The following MRC1 variants were observed in gnomAD, a reference collection of about 807,000 sequenced individuals.
The protein encoded by MRC1 is mannose receptor C-type 1, also known as macrophage mannose receptor 1.
In MRC1, 62 loss-of-function variants were observed where a neutral mutation model predicts 102.9. The observed-to-expected ratio is 0.60, with a 90% CI of 0.49 to 0.74. The LOEUF is 0.74. Among genes scored for constraint, MRC1 ranks in the 30% least tolerant of loss-of-function variants. The pLI is 0.00. For missense variants in MRC1, 1,237 were observed against 862.8 expected (o/e 1.43, Z -5.43); for synonymous variants, 457 against 298.4 (o/e 1.53, Z -5.48).
intron 22 of MRC1, among the ~76,000 whole-genome samples, chr10:17,891,858 G>A (rs983301241): frequency 5.3e-5 from 8 of 152,084 alleles, no homozygotes; most frequent in Non-Finnish European, 1.0e-4. Context: ...GTTATCATAC[G>A]GGAGCCCCAA....
intron 3 of MRC1, among the ~76,000 whole-genome samples, chr10:17,832,911 G>T (rs942814894): frequency 2.6e-5 from 4 of 152,040 alleles, no homozygotes; most frequent in Admixed American, 6.5e-5. Context: ...ATATATGTAG[G>T]GGGTATATGT....
intron 6 of MRC1, among the ~76,000 whole-genome samples, chr10:17,849,207 C>T (rs951711263): frequency 6.6e-6 from 1 of 150,676 alleles, no homozygotes; most frequent in African/African-American, 2.4e-5. Context: ...GAGGCTGAGG[C>T]AGGAGGACTG....
rs567108881 is a variant in MRC1 at position 17,856,295 on chromosome 10, G to A, written c.1461G>A (p.Lys487=). 8 of 866,390 alleles carry A rather than the reference G, an allele frequency of 9.2e-6. No individual in the cohort carries two copies. The highest frequency in any genetic ancestry group is 6.7e-5 in the South Asian group (5 of 74,852). The allele number at this position is 866,390 out of a possible 1,614,324, so 53.7% of individuals were successfully genotyped here. A position where few individuals can be genotyped will look rare whatever the true frequency, so the allele number is the denominator to read the frequency against. The change falls in exon 9 of 30, where the codon AAG becomes AAA. Residue 487 remains lysine, a synonymous_variant. Coordinates refer to ENST00000569591, the MANE Select transcript of MRC1 (RefSeq NM_002438.4). ...AGTGGCCTCTTGGCTACATCTGCAA[G>A]ATGAAATCACGAAGCCAAGGTCCAG... The part of the protein sequence containing the change: ...GCEWPLGYIC[K]MKSRSQGPEI...
chr10:17,861,350 C>T (rs1183883735), intron 9 of MRC1, 37 bp from the exon 10 acceptor site: 3 of 832,728 alleles, frequency 3.6e-6, no homozygotes, highest in African/African-American at 3.3e-5. Context: ...TATGCATGAA[C>T]TCTGCTCATT....
At chr10:17,829,019 C>T (rs899465552) in intron 3 of MRC1, among the ~76,000 whole-genome samples, 6 of 151,430 alleles carry the variant, frequency 4.0e-5, no homozygotes, top group Non-Finnish European at 5.9e-5. Context: ...TTCTTACCCC[C>T]GACCTCTCAC....
chr10:17,904,521 C>A (rs1470249415), intron 26 of MRC1, among the ~76,000 whole-genome samples: 2 of 152,152 alleles, frequency 1.3e-5, no homozygotes, highest in Non-Finnish European at 2.9e-5. Flanking sequence ...TTCTCTCTCA[C>A]AGATTTTAAG....
chr10:17,880,986 T>G, intron 20 of MRC1, 81 bp from the exon 21 acceptor site: 1 of 769,832 alleles, frequency 1.3e-6, no homozygotes, highest in Admixed American at 1.8e-5. Context: ...TGAATAATTT[T>G]GCTTTTTGTA....
intron 23 of MRC1, among the ~76,000 whole-genome samples, chr10:17,894,576 T>G (rs1833728805): frequency 6.6e-6 from 1 of 151,802 alleles, no homozygotes; most frequent in East Asian, 1.9e-4. Flanking sequence ...ATTTTTGTAT[T>G]TTTTGTAGAG....
rs1220568011 is a variant in MRC1, at chr10:17,870,291, C to T, written c.2029C>T (p.Arg677Ter). The change falls in exon 13 of 30, where the codon CGA becomes TGA. Residue 677 changes from arginine to a stop codon, truncating the protein, a stop_gained. Coordinates refer to ENST00000569591, the MANE Select transcript of MRC1 (RefSeq NM_002438.4). LOFTEE classifies it high-confidence loss of function. ...TGAGAAGAAAACGTGGTTTGAATCTCGAGATTTTTGTCGAGCTCTGGGTGG... is the reference window on the plus strand; with the variant it reads ...TGAGAAGAAAACGTGGTTTGAATCTTGAGATTTTTGTCGAGCTCTGGGTGG... Reference protein sequence around the residue: ...KHEKKTWFESRDFCRALGGDL... With the variant: ...KHEKKTWFES The T allele has an allele frequency of 2.6e-6, 2 of 780,248 alleles. No homozygotes were observed. The highest frequency in any genetic ancestry group is 4.8e-6 in the Non-Finnish European group (2 of 417,728). The allele number at this position is 780,248 out of a possible 1,614,324, so 48.3% of individuals were successfully genotyped here.
intron 4 of MRC1, among the ~76,000 whole-genome samples, chr10:17,836,453 A>G (rs1838663691): frequency 6.6e-6 from 1 of 152,232 alleles, no homozygotes; most frequent in African/African-American, 2.4e-5. Context: ...AGACAAAAGT[A>G]AATTTATGTA....
At chr10:17,828,642 CTTCTT>C (rs1838521128) in intron 3 of MRC1, among the ~76,000 whole-genome samples, 1 of 151,504 alleles carries the variant, frequency 6.6e-6, no homozygotes, top group Admixed American at 6.6e-5. Context: ...TCAGGATACT[CTTCTT>C]ATGTTTAAAT....
chr10:17,873,396 A>G (rs1221482864), intron 15 of MRC1, among the ~76,000 whole-genome samples: 1 of 152,184 alleles, frequency 6.6e-6, no homozygotes, highest in East Asian at 1.9e-4. Flanking sequence ...ATATTTTCAC[A>G]AACTAATCTA....
chr10:17,887,043 C>G (rs1355992811), intron 22 of MRC1, among the ~76,000 whole-genome samples: 1 of 152,094 alleles, frequency 6.6e-6, no homozygotes, highest in Non-Finnish European at 1.5e-5. Context: ...TAGCTATTTG[C>G]CGGGTGAATA....
At chr10:17,880,043 A>G (rs935164960) in intron 19 of MRC1, among the ~76,000 whole-genome samples, 97 of 152,344 alleles carry the variant, frequency 6.4e-4, no homozygotes, top group African/African-American at 2.2e-3. Flanking sequence ...ACTTCTTCCC[A>G]AATTAGGAAC....
At chr10:17,844,747 T>C (rs1221593005) in intron 5 of MRC1, among the ~76,000 whole-genome samples, 1 of 152,178 alleles carries the variant, frequency 6.6e-6, no homozygotes, top group Admixed American at 6.5e-5. Flanking sequence ...CCCCATCTCA[T>C]AGTCCCCAGT....
intron 7 of MRC1, among the ~76,000 whole-genome samples, chr10:17,851,318 ATAATAT>A (rs1291549147): frequency 6.6e-5 from 10 of 152,282 alleles, no homozygotes; most frequent in Non-Finnish European, 1.2e-4. Flanking sequence ...AAACAATAAA[ATAATAT>A]TAATAAAAGT....
intron 1 of MRC1, among the ~76,000 whole-genome samples, chr10:17,822,342 G>C (rs1389488092): frequency 6.6e-6 from 1 of 152,160 alleles, no homozygotes; most frequent in Non-Finnish European, 1.5e-5. Context: ...TCCTATTCTA[G>C]TCTGGGCGAG....
Position 17,875,162 on chromosome 10 carries a change from C to G in MRC1, c.2459C>G (p.Thr820Ser), listed in dbSNP as rs931240741. 2.6e-6 allele frequency: 2 copies of G among 780,676 alleles called. No individual in the cohort carries two copies. Among genetic ancestry groups the G allele is most frequent in the African/African-American group, 3.4e-5 (2 of 59,102 alleles). 48.4% of individuals were successfully genotyped at this position (780,676 alleles called of 1,614,324 possible). Residue 820 changes from threonine to serine, a missense_variant, in exon 17 of 30, where the codon ACC becomes AGC. Thr to Ser is a moderately conservative substitution (Grantham distance 58). Coordinates refer to ENST00000569591, the MANE Select transcript of MRC1 (RefSeq NM_002438.4). ...TATTATTTCAGCAAAGAGAAGGAAA[C>G]CATGGACAATGCGCGAGCGTTTTGC... ...YQYYFSKEKE[T>S]MDNARAFCKR...
At chr10:17,821,376 A>C (rs1838393734) in intron 1 of MRC1, among the ~76,000 whole-genome samples, 1 of 152,194 alleles carries the variant, frequency 6.6e-6, no homozygotes, top group Non-Finnish European at 1.5e-5. Flanking sequence ...TTTGCATTCT[A>C]AGGCAATAGT....
Sources: allele counts gnomAD v4.1 joint callset (sites outside exome capture counted in the v4.1 genomes callset), GRCh38; gene constraint gnomAD v4.1.1; transcripts MANE v1.5; gene names NCBI Gene and HGNC (gene_info 2026-07-23, HGNC 2026-07-21).